Variants in SLC15A4 observed in about 807,000 individuals in gnomAD.
The protein encoded by SLC15A4 is hPHT1.
A neutral mutation model predicts 46.1 loss-of-function variants in SLC15A4; 26 were observed. The ratio of observed to expected loss-of-function variants is 0.56; its 90% CI spans 0.41 to 0.78. SLC15A4 has a LOEUF of 0.78. Ranked by LOEUF, SLC15A4 falls within the 30% of genes least tolerant of loss-of-function variation. SLC15A4 has a pLI of 0.00. For synonymous variants in SLC15A4, 370 were observed against 333.4 expected, an observed-to-expected ratio of 1.11 and a Z score of -1.20; for missense variants, 751 against 755.7, an observed-to-expected ratio of 0.99 and a Z score of 0.07.
At chr12:128,796,145 C>A (rs1053777613) in intron 7 of SLC15A4, among the ~76,000 whole-genome samples, 42 of 152,142 alleles carry the variant, frequency 2.8e-4, no homozygotes, top group African/African-American at 9.7e-4. Flanking sequence ...CACGTCTGGG[C>A]CAGGCGCAGT....
Position 128,794,297 on chromosome 12 carries a change from CT to C in SLC15A4, c.1632del (p.Ala545LeufsTer11). ...YYFFLLAAIQGATLLLFLIIS... is the reference protein window; with the variant it reads ...YYFFLLAAIQXATLLLFLIIS... Reference sequence around the variant, plus strand: ...ATAATGAGGAAAAGCAGGAGGGTAGCTCCTTGAATAGCAGCCAGAAGAAAAA... The same window carrying C: ...ATAATGAGGAAAAGCAGGAGGGTAGCCCTTGAATAGCAGCCAGAAGAAAAA... On this transcript the variant is annotated frameshift_variant, in exon 8 of 8. Transcript: ENST00000266771. LOFTEE classifies it low-confidence loss of function (END_TRUNC). The C allele has an allele frequency of 6.2e-7, 1 of 1,613,874 alleles. No homozygotes were observed. The highest frequency in any genetic ancestry group is 8.5e-7 in the Non-Finnish European group (1 of 1,179,846).
intron 1 of SLC15A4, among the ~76,000 whole-genome samples, chr12:128,818,078 GAA>G (rs35552623): frequency 1.3e-4 from 18 of 143,710 alleles, no homozygotes; most frequent in Admixed American, 4.1e-4. Context: ...TTTTCCTCTA[GAA>G]AAAAAAAAAA....
chr12:128,796,804 G>A (rs1474476964), intron 7 of SLC15A4, among the ~76,000 whole-genome samples: 1 of 152,136 alleles, frequency 6.6e-6, no homozygotes, highest in Non-Finnish European at 1.5e-5. Context: ...TTTGAAATAC[G>A]AGTCTCCCCA....
At chr12:128,816,647 C>G (rs944343848) in intron 1 of SLC15A4, among the ~76,000 whole-genome samples, 3 of 152,102 alleles carry the variant, frequency 2.0e-5, no homozygotes, top group African/African-American at 7.2e-5. Context: ...CCTGGGAACA[C>G]AGACAGACCC....
At chr12:128,800,368 C>T (rs572449772) in intron 6 of SLC15A4, among the ~76,000 whole-genome samples, 1 of 152,320 alleles carries the variant, frequency 6.6e-6, no homozygotes, top group South Asian at 2.1e-4. Flanking sequence ...TCTCTTCTCT[C>T]TCACTCTCAG....
Position 128,818,585 on chromosome 12 carries a change from T to A in SLC15A4, c.547-3515A>T, listed in dbSNP as rs563888197. On this transcript the variant is annotated intron_variant, in intron 1 of 7. Transcript: ENST00000266771. ...GCCACCTGGTCACGGGCAAGCACCC[T>A]GGCATAAGGGTACTTTTCCCTTCAA... Among the ~76,000 whole-genome samples the A allele has an allele frequency of 8.5e-5, 13 of 152,364 alleles. No individual in the cohort carries two copies. In the South Asian group the frequency reaches 1.9e-3, roughly 22 times the overall value.
chr12:128,809,032 A>G (rs1278808662), intron 4 of SLC15A4, 76 bp from the exon 5 acceptor site: 1 of 1,351,214 alleles, frequency 7.4e-7, no homozygotes, highest in Non-Finnish European at 1.0e-6. Context: ...CAACGTCTCA[A>G]TGGGAGAAAT....
intron 5 of SLC15A4, among the ~76,000 whole-genome samples, chr12:128,802,160 A>G (rs913492383): frequency 2.0e-5 from 3 of 152,152 alleles, no homozygotes; most frequent in Non-Finnish European, 4.4e-5. Flanking sequence ...ATAAACGCAG[A>G]CCCAGGCAAG....
At chr12:128,802,132 G>A (rs969565446) in intron 5 of SLC15A4, among the ~76,000 whole-genome samples, 6 of 152,074 alleles carry the variant, frequency 3.9e-5, no homozygotes, top group Admixed American at 1.3e-4. Context: ...CTTCCACTCC[G>A]CCCTCCACGG....
Position 128,809,481 on chromosome 12 carries a change from T to TA in SLC15A4, c.1012-9dup. 1.3e-6 allele frequency: 2 copies of TA among 1,577,286 alleles called. No individual in the cohort carries two copies. The highest frequency in any genetic ancestry group is 8.7e-7 in the Non-Finnish European group (1 of 1,153,664). On this transcript the variant is annotated splice_polypyrimidine_tract_variant and intron_variant, in intron 3 of 7. Coordinates refer to ENST00000266771, the MANE Select transcript of SLC15A4 (RefSeq NM_145648.4). ...AACATATGTTGTCTGCATCTAGGTA[T>TA]AAAAAACAGTATCATTATATGTGGA...
intron 5 of SLC15A4, among the ~76,000 whole-genome samples, chr12:128,803,860 C>T (rs1016798607): frequency 7.2e-5 from 11 of 152,202 alleles, no homozygotes; most frequent in African/African-American, 1.7e-4. Flanking sequence ...CACAAAGATC[C>T]GGGTCCTCGT....
intron 1 of SLC15A4, among the ~76,000 whole-genome samples, chr12:128,822,103 C>CT (rs1348340733): frequency 2.0e-5 from 3 of 152,126 alleles, no homozygotes; most frequent in South Asian, 4.2e-4. Flanking sequence ...TCACTTCCCA[C>CT]TTTTTTTTAT....
At chr12:128,818,078 G>GA (rs35552623) in intron 1 of SLC15A4, among the ~76,000 whole-genome samples, 6,462 of 143,466 alleles carry the variant, frequency 0.045, 169 homozygotes, top group Non-Finnish European at 0.063. Context: ...TTTTCCTCTA[G>GA]AAAAAAAAAA....
intron 1 of SLC15A4, 133 bp downstream of exon 1, chr12:128,823,265 C>CGGCACTAG: frequency 2.3e-6 from 2 of 859,820 alleles, no homozygotes; most frequent in Non-Finnish European, 3.2e-6. Flanking sequence ...CGGGATTCCT[C>CGGCACTAG]GGCACTAGAC....
chr12:128,807,803 AC>A (rs1235385852), intron 5 of SLC15A4, among the ~76,000 whole-genome samples: 1 of 152,254 alleles, frequency 6.6e-6, no homozygotes, highest in Non-Finnish European at 1.5e-5. Flanking sequence ...ATCTATTTGA[AC>A]AAAAGAAAAT....
chr12:128,809,133 G>A, intron 4 of SLC15A4, 177 bp from the exon 5 acceptor site: 1 of 654,676 alleles, frequency 1.5e-6, no homozygotes, highest in Non-Finnish European at 2.5e-6. Flanking sequence ...AAATGAATCT[G>A]CATTTGCTTT....
intron 1 of SLC15A4, among the ~76,000 whole-genome samples, chr12:128,817,466 C>T (rs1955772826): frequency 6.6e-6 from 1 of 152,194 alleles, no homozygotes; most frequent in South Asian, 2.1e-4. Context: ...TTAATAGAGG[C>T]ACAAATGATT....
intron 2 of SLC15A4, among the ~76,000 whole-genome samples, chr12:128,812,084 G>A (rs996331187): frequency 2.6e-5 from 4 of 152,132 alleles, no homozygotes; most frequent in Admixed American, 1.3e-4. Flanking sequence ...TGGTTCTCAC[G>A]GATTCCCAAA....
At chr12:128,816,898 T>C (rs562328545) in intron 1 of SLC15A4, among the ~76,000 whole-genome samples, 59 of 152,346 alleles carry the variant, frequency 3.9e-4, no homozygotes, top group South Asian at 1.0e-3. Flanking sequence ...ATATGGTATT[T>C]TAAACTCTAT....
Sources: gnomAD v4.1 joint callset for allele counts (sites outside exome capture counted in the v4.1 genomes callset) on GRCh38, gnomAD v4.1.1 for gene constraint, MANE v1.5 for transcripts, NCBI Gene and HGNC (gene_info 2026-07-23, HGNC 2026-07-21) for gene names.